Variants in SERBP1 observed in about 807,000 individuals in gnomAD.
The protein encoded by SERBP1 is SERPINE1 mRNA-binding protein 1.
In SERBP1, 6 loss-of-function variants were observed where a neutral mutation model predicts 50.2. That is an observed-to-expected ratio of 0.12 (90% CI 0.07 to 0.24). SERBP1 has a LOEUF of 0.24. Among genes scored for constraint, SERBP1 ranks in the 10% least tolerant of loss-of-function variants. SERBP1 has a pLI of 1.00. For missense variants in SERBP1, 346 were observed against 524.9 expected (o/e 0.66, Z 3.33); for synonymous variants, 168 against 182.8 (o/e 0.92, Z 0.65).
chr1:67,409,906 T>G lies in SERBP1; in HGVS notation c.*3301A>C, dbSNP rs1666772575. Reference sequence around the variant, plus strand: ...TACAAAGCACAGTAAATAATGAAGTTTCTGGGCTTTTCTTAGTTAACCTGA... The same window carrying G: ...TACAAAGCACAGTAAATAATGAAGTGTCTGGGCTTTTCTTAGTTAACCTGA... On this transcript the variant is annotated 3_prime_UTR_variant, in exon 8 of 8. Coordinates refer to ENST00000361219, the MANE Select transcript of SERBP1 (RefSeq NM_001018069.2). 6.6e-6 allele frequency: 1 copy of G among 152,222 alleles called. No individual in the cohort carries two copies. Among genetic ancestry groups the G allele is most frequent in the Admixed American group, 6.5e-5 (1 of 15,284 alleles). 9.4% of individuals were successfully genotyped at this position (152,222 alleles called of 1,614,324 possible). A position where few individuals can be genotyped will look rare whatever the true frequency, so the allele number is the denominator to read the frequency against.
At chr1:67,421,880 G>A (rs12561767) in intron 5 of SERBP1, among the ~76,000 whole-genome samples, 69,703 of 151,916 alleles carry the variant, frequency 0.46, 18,444 homozygotes, top group Non-Finnish European at 0.58. Context: ...TTGAACTTCA[G>A]AATGGCCAAA....
Position 67,413,107 on chromosome 1 carries a change from T to C in SERBP1, c.*100A>G, listed in dbSNP as rs1021610403. 19 of 585,800 alleles carry C rather than the reference T, an allele frequency of 3.2e-5. No homozygotes were observed. The African/African-American group carries it at 3.5e-4, about 11-fold the overall frequency. The allele number at this position is 585,800 out of a possible 1,614,324, so 36.3% of individuals were successfully genotyped here. On this transcript the variant is annotated 3_prime_UTR_variant, in exon 8 of 8. Transcript: ENST00000361219. ...GGTGTGAATGGTATGAATGACAGTC[T>C]TTTTTTTTTTAATTTCTTAGTCGTT...
At chr1:67,429,129 G>A (rs1557509486) in intron 1 of SERBP1, among the ~76,000 whole-genome samples, 2 of 151,934 alleles carry the variant, frequency 1.3e-5, no homozygotes, top group Non-Finnish European at 2.9e-5. Context: ...AAAAAACTGC[G>A]AACTCTAAAG....
rs1203310677 is a variant in SERBP1, at chr1:67,415,333, C to T, written c.958G>A (p.Ala320Thr). 3 of 1,576,982 alleles carry T rather than the reference C, an allele frequency of 1.9e-6. No individual in the cohort carries two copies. The highest frequency in any genetic ancestry group is 2.3e-5 in the East Asian group (1 of 43,664). Reference sequence around the variant, plus strand: ...TGATGGTCCATAACCGAATCTTCAGCATGAGCCTAAAAATATAAGTGAAGA... The same window carrying T: ...TGATGGTCCATAACCGAATCTTCAGTATGAGCCTAAAAATATAAGTGAAGA... The part of the protein sequence containing the change: ...LHKSKSEEAH[A>T]EDSVMDHHFR... Residue 320 changes from alanine to threonine, a missense_variant, in exon 7 of 8, where the codon GCT (alanine) becomes ACT (threonine). Ala to Thr is a moderately conservative substitution (Grantham distance 58). Transcript: ENST00000361219.
chr1:67,420,915 T>C (rs1208458514), intron 5 of SERBP1, among the ~76,000 whole-genome samples: 1 of 152,210 alleles, frequency 6.6e-6, no homozygotes, highest in African/African-American at 2.4e-5. Flanking sequence ...TTCCTCTTTT[T>C]ACAGAAACAA....
chr1:67,415,427 C>T (rs950048010), intron 6 of SERBP1, 88 bp from the exon 7 acceptor site: 12 of 1,281,576 alleles, frequency 9.4e-6, no homozygotes, highest in South Asian at 1.7e-5. Context: ...CTAAAAAAAA[C>T]CAAAAATCCA....
intron 7 of SERBP1, among the ~76,000 whole-genome samples, chr1:67,414,622 T>A (rs79932005): frequency 6.6e-6 from 1 of 152,160 alleles, no homozygotes; most frequent in Non-Finnish European, 1.5e-5. Context: ...GTTCAAGGCA[T>A]TGGAGAGATT....
Position 67,411,436 on chromosome 1 carries a change from T to C in SERBP1, c.*1771A>G, listed in dbSNP as rs1346978747. 6.6e-6 allele frequency: 1 copy of C among 152,154 alleles called. No individual in the cohort carries two copies. Among genetic ancestry groups the C allele is most frequent in the East Asian group, 1.9e-4 (1 of 5,196 alleles). The allele number at this position is 152,154 out of a possible 1,614,324, so 9.4% of individuals were successfully genotyped here. A position where few individuals can be genotyped will look rare whatever the true frequency, so the allele number is the denominator to read the frequency against. On this transcript the variant is annotated 3_prime_UTR_variant, in exon 8 of 8. Transcript: ENST00000361219. ...GTCTCAATGAACAATGGGTCAATAG[T>C]TCATATGGACTAAATTAATCTCTGG... is the stretch of plus-strand genomic sequence containing the variant.
chr1:67,425,955 A>G (rs925478030), intron 2 of SERBP1, among the ~76,000 whole-genome samples, 180 bp downstream of exon 2: 13 of 152,176 alleles, frequency 8.5e-5, no homozygotes, highest in African/African-American at 3.1e-4. Flanking sequence ...CCTCAGCTCT[A>G]CAAAAAAAAT....
intron 6 of SERBP1, among the ~76,000 whole-genome samples, chr1:67,416,165 A>T (rs116491226): frequency 0.017 from 2,550 of 152,242 alleles, 71 homozygotes; most frequent in African/African-American, 0.059. Context: ...GGCACATGCC[A>T]TGACACCTGG....
intron 7 of SERBP1, among the ~76,000 whole-genome samples, chr1:67,414,372 A>G (rs1408419599): frequency 6.6e-6 from 1 of 152,188 alleles, no homozygotes; most frequent in African/African-American, 2.4e-5. Context: ...ACCTTAAAAA[A>G]AAAAGGTTGG....
At position 67,408,808 on chromosome 1, in the gene SERBP1, C is replaced by T. The variant is rs1285412068; in HGVS notation, c.*4399G>A. On this transcript the variant is annotated 3_prime_UTR_variant, in exon 8 of 8. Coordinates refer to ENST00000361219, the MANE Select transcript of SERBP1 (RefSeq NM_001018069.2). ...TTCAAAATATATTTTATGTTGCAGG[C>T]TACCTATCTAAAAAATAATAAAACA... 6.6e-6 allele frequency: 1 copy of T among 152,116 alleles called. No homozygotes were observed. The highest frequency in any genetic ancestry group is 2.4e-5 in the African/African-American group (1 of 41,426). 9.4% of individuals were successfully genotyped at this position (152,116 alleles called of 1,614,324 possible). A position where few individuals can be genotyped will look rare whatever the true frequency, so the allele number is the denominator to read the frequency against.
chr1:67,413,401 C>G (rs973033575), intron 7 of SERBP1, 138 bp from the exon 8 acceptor site: 1 of 753,888 alleles, frequency 1.3e-6, no homozygotes, highest in African/African-American at 1.9e-5. Flanking sequence ...GTAATCCCAG[C>G]GCTTTGGGAG....
chr1:67,415,116 T>C (rs1666959572), intron 7 of SERBP1, 50 bp downstream of exon 7: 1 of 1,515,482 alleles, frequency 6.6e-7, no homozygotes. Context: ...AGCCAGTGAC[T>C]TATAAGAGGT....
At position 67,416,398 on chromosome 1, in the gene SERBP1, G is replaced by T. The variant is rs76360985; in HGVS notation, c.952-1059C>A. Among the ~76,000 whole-genome samples the T allele has an allele frequency of 3.2e-3, 494 of 152,226 alleles. 3 individuals are homozygous for T. Among genetic ancestry groups the T allele is most frequent in the African/African-American group, 0.011 (451 of 41,546 alleles). ...TTAAGATACATGACCCAGTCTGGGGGAAAAAAGCAAAAAGCCAGACAATTC... is the reference window on the plus strand; with the variant it reads ...TTAAGATACATGACCCAGTCTGGGGTAAAAAAGCAAAAAGCCAGACAATTC... On this transcript the variant is annotated intron_variant, in intron 6 of 7. Coordinates refer to ENST00000361219, the MANE Select transcript of SERBP1 (RefSeq NM_001018069.2).
chr1:67,424,832 G>A (rs761307469), intron 4 of SERBP1, 56 bp downstream of exon 4: 1 of 1,293,880 alleles, frequency 7.7e-7, no homozygotes, highest in Non-Finnish European at 1.1e-6. Context: ...ATTTGACAGA[G>A]GTATGGATTA....
At position 67,412,267 on chromosome 1, in the gene SERBP1, A is replaced by G. The variant is rs1666868712; in HGVS notation, c.*940T>C. On this transcript the variant is annotated 3_prime_UTR_variant, in exon 8 of 8. Coordinates refer to ENST00000361219, the MANE Select transcript of SERBP1 (RefSeq NM_001018069.2). ...CACAGAAATCATACCAAATGGCCAG[A>G]CACTTATTTTACAGAACAGTTTAAA... 6.5e-6 allele frequency: 1 copy of G among 152,690 alleles called. No individual in the cohort carries two copies. The highest frequency in any genetic ancestry group is 2.4e-5 in the African/African-American group (1 of 41,470). The allele number at this position is 152,690 out of a possible 1,614,324, so 9.5% of individuals were successfully genotyped here. A position where few individuals can be genotyped will look rare whatever the true frequency, so the allele number is the denominator to read the frequency against.
intron 6 of SERBP1, among the ~76,000 whole-genome samples, chr1:67,416,805 G>C (rs1667025827): frequency 6.6e-6 from 1 of 152,136 alleles, no homozygotes; most frequent in Non-Finnish European, 1.5e-5. Context: ...AAGGAGGCTA[G>C]AAACATAAAA....
At position 67,430,343 on chromosome 1, in the gene SERBP1, C is replaced by G; in HGVS notation, c.-43G>C. On this transcript the variant is annotated 5_prime_UTR_variant, in exon 1 of 8. Transcript: ENST00000361219. ...GCGTTCCTCCACGGATTGCAGCGGG[C>G]CGCGCCGAGCCAAGAGCGCCTGCTT... is the stretch of plus-strand genomic sequence containing the variant. The G allele has an allele frequency of 6.7e-7, 1 of 1,491,638 alleles. No homozygotes were observed. Among genetic ancestry groups the G allele is most frequent in the East Asian group, 2.4e-5 (1 of 41,762 alleles). The allele number at this position is 1,491,638 out of a possible 1,614,324, so 92.4% of individuals were successfully genotyped here. A position where few individuals can be genotyped will look rare whatever the true frequency, so the allele number is the denominator to read the frequency against.
Sources: allele counts gnomAD v4.1 joint callset (sites outside exome capture counted in the v4.1 genomes callset), GRCh38; gene constraint gnomAD v4.1.1; transcripts MANE v1.5; gene names NCBI Gene and HGNC (gene_info 2026-07-23, HGNC 2026-07-21).